SPAG5: variants seen among roughly 807,000 people sequenced by gnomAD.
SPAG5 encodes sperm associated antigen 5, also known as sperm-associated antigen 5.
SPAG5 carries 99 observed loss-of-function variants against 145.4 expected under a neutral mutation model. The observed-to-expected ratio is 0.68, with a 90% confidence interval of 0.58 to 0.80. SPAG5 has a LOEUF of 0.80. SPAG5 is among the 30% of genes least tolerant of loss of function. The pLI, the probability that SPAG5 is intolerant of heterozygous loss-of-function variation, is 0.00. For missense variants in SPAG5, 1,192 were observed against 1,416.0 expected (o/e 0.84, Z 2.54); for synonymous variants, 477 against 525.4 (o/e 0.91, Z 1.26).
At chr17:28,578,789 G>GA in intron 19 of SPAG5, 37 bp from the exon 20 acceptor site, 2 of 1,550,512 alleles carry the variant, frequency 1.3e-6, no homozygotes, top group Non-Finnish European at 1.8e-6. Context: ...CACATGAAGA[G>GA]CTGGTCTCTT....
chr17:28,591,666 G>C, intron 4 of SPAG5, 32 bp downstream of exon 4: 1 of 1,565,628 alleles, frequency 6.4e-7, no homozygotes, highest in East Asian at 2.3e-5. Flanking sequence ...TCCCCACTGG[G>C]ATCCCTCAAG....
At chr17:28,584,576 C>T in intron 11 of SPAG5, 76 bp downstream of exon 11, 1 of 1,597,266 alleles carries the variant, frequency 6.3e-7, no homozygotes, top group South Asian at 1.1e-5. Flanking sequence ...TACTTCCTTG[C>T]TCTAGTGCCA....
At chr17:28,584,126 C>T in intron 13 of SPAG5, 24 bp downstream of exon 13, 1 of 1,613,206 alleles carries the variant, frequency 6.2e-7, no homozygotes, top group Non-Finnish European at 8.5e-7. Context: ...TACCAGCTCC[C>T]TTGGCCCAAG....
In SPAG5 at chr17:28,586,101, C is replaced by T; in HGVS notation, c.1594G>A (p.Val532Met). 6.2e-7 allele frequency: 1 copy of T among 1,614,070 alleles called. No homozygotes were observed. Among genetic ancestry groups the T allele is most frequent in the Non-Finnish European group, 8.5e-7 (1 of 1,179,924 alleles). Residue 532 changes from valine to methionine, a missense_variant, in exon 6 of 24, where the codon GTG (valine) becomes ATG (methionine). This residue lies in a region of SPAG5 where 709 missense variants were observed against 840.7 expected (regional missense o/e 0.84). Coordinates refer to ENST00000321765, the MANE Select transcript of SPAG5 (RefSeq NM_006461.4). The part of the protein sequence containing the change: ...LLHLEEDKTT[V>M]SQESRRAETL... ...TTCAGGCTGCTTACCTCCTGACTCA[C>T]AGTAGTCTTATCTTCTTCTAAATGC...
In SPAG5 at chr17:28,584,667, T is replaced by A. The variant is rs762946902; in HGVS notation, c.2146A>T (p.Ser716Cys). 20 of 1,613,984 alleles carry A rather than the reference T, an allele frequency of 1.2e-5. 1 individual carries two copies. Among genetic ancestry groups the A allele is most frequent in the Middle Eastern group, 3.3e-4 (2 of 6,082 alleles). Residue 716 changes from serine (S) to cysteine (C), a missense_variant, in exon 11 of 24, where the codon AGT becomes TGT. Around this residue, in one of 5 missense-constraint regions of SPAG5, gnomAD observed 709 missense variants for 840.7 expected, o/e 0.84. Transcript: ENST00000321765. ...ACACAAACACCTGTTGCTAGACGAC[T>A]GTTTTCCAACTCCAGTTGTTCTGTT... The part of the protein sequence containing the change: ...GQTEQLELEN[S>C]RLATDLRAQL...
chr17:28,585,334 C>T lies in SPAG5; in HGVS notation c.1938G>A (p.Arg646=). Residue 646 remains arginine (R), a synonymous_variant, in exon 9 of 24, where the codon AGG becomes AGA. Coordinates refer to ENST00000321765, the MANE Select transcript of SPAG5 (RefSeq NM_006461.4). ...AAATACTCACATCCAGTTGCATGGA[C>T]CTCCAGTCTTGTTGCAAGGTAGAAG... ...SLTSTLQQDW[R]SMQLDYTTWT... The T allele has an allele frequency of 6.2e-7, 1 of 1,614,122 alleles. No individual in the cohort carries two copies. The highest frequency in any genetic ancestry group is 2.2e-5 in the East Asian group (1 of 44,886).
At position 28,584,221 on chromosome 17, in the gene SPAG5, T is replaced by C; in HGVS notation, c.2341A>G (p.Met781Val). 6.2e-7 allele frequency: 1 copy of C among 1,614,000 alleles called. No individual in the cohort carries two copies. Among genetic ancestry groups the C allele is most frequent in the Non-Finnish European group, 8.5e-7 (1 of 1,180,034 alleles). The change falls in exon 13 of 24, where the codon ATG becomes GTG. Residue 781 changes from methionine to valine, a missense_variant. By Grantham distance (21) the Met-to-Val change is conservative (BLOSUM62 1). Transcript: ENST00000321765. ...TGTTGCTGCTGCAGTTCTGCCTGCA[T>C]GTGTTTTAGTGCCATCTCTTCCTTT... is the stretch of plus-strand genomic sequence containing the variant. ...WQKEEMALKH[M>V]QAELQQQQAV...
intron 1 of SPAG5, 74 bp downstream of exon 1, chr17:28,598,822 G>A: frequency 4.4e-6 from 7 of 1,576,114 alleles, no homozygotes; most frequent in Non-Finnish European, 6.1e-6. Context: ...CAACTTTCCA[G>A]GACAGTAGAC....
At chr17:28,588,697 T>A (rs549587944) in intron 4 of SPAG5, among the ~76,000 whole-genome samples, 38 of 152,312 alleles carry the variant, frequency 2.5e-4, no homozygotes, top group Non-Finnish European at 4.6e-4. Context: ...GTTGTTGTTG[T>A]TGTTTGAGAC....
At position 28,595,308 on chromosome 17, in the gene SPAG5, T is replaced by C. The variant is rs992386785; in HGVS notation, c.178-2242A>G. ...AAAGATGAGTGTGTGTGTGTGTGTG[T>C]GCATATATACAAAATAGACACACAT... On this transcript the variant is annotated intron_variant, in intron 2 of 23. Transcript: ENST00000321765. 8.6e-5 allele frequency among the ~76,000 whole-genome samples: 13 copies of C among 151,274 alleles called. No individual in the cohort carries two copies. The South Asian group carries it at 2.3e-3, about 27-fold the overall frequency.
intron 2 of SPAG5, 121 bp from the exon 3 acceptor site, chr17:28,593,187 G>GA (rs1419470511): frequency 7.8e-7 from 1 of 1,274,082 alleles, no homozygotes; most frequent in Non-Finnish European, 1.1e-6. Context: ...GCTTAGGTAA[G>GA]AACTTGGCTA....
chr17:28,591,808 C>A lies in SPAG5; in HGVS notation c.1327G>T (p.Val443Phe). ...TGGCGGGAGAGAACCTCCAGAATGA[C>A]AAGAGAGCTCAGCAGGTTATCTTCC... ...DLEDNLLSSL[V>F]ILEVLSRQLR... Residue 443 changes from valine to phenylalanine, a missense_variant, in exon 4 of 24, where the codon GTC becomes TTC. Val to Phe is a conservative substitution (Grantham distance 50). Transcript: ENST00000321765. 6.2e-7 allele frequency: 1 copy of A among 1,614,070 alleles called. No individual in the cohort carries two copies. The highest frequency in any genetic ancestry group is 8.5e-7 in the Non-Finnish European group (1 of 1,180,026).
intron 19 of SPAG5, 69 bp from the exon 20 acceptor site, chr17:28,578,821 G>A: frequency 7.8e-7 from 1 of 1,281,650 alleles, no homozygotes; most frequent in East Asian, 2.3e-5. Flanking sequence ...CCAGGAGGTA[G>A]GAGAGAGTGC....
In SPAG5 at chr17:28,580,181, G is replaced by A. The variant is rs1401204508; in HGVS notation, c.2686-61C>T. On this transcript the variant is annotated intron_variant, in intron 15 of 23. Transcript: ENST00000321765. ...GTCTAGTGAACTCCTGGGCTTCCAG[G>A]TAACTCCCAGCCATCTCCTCCAAAA... is the stretch of plus-strand genomic sequence containing the variant. The A allele has an allele frequency of 4.4e-6, 5 of 1,129,974 alleles. No individual in the cohort carries two copies. The Admixed American group carries it at 7.0e-5, about 16-fold the overall frequency. 70.0% of individuals were successfully genotyped at this position (1,129,974 alleles called of 1,614,324 possible). A position where few individuals can be genotyped will look rare whatever the true frequency, so the allele number is the denominator to read the frequency against.
In SPAG5 at chr17:28,583,565, C is replaced by G. The variant is rs1343868820; in HGVS notation, c.2631G>C (p.Leu877=). ...TRQYSQKLGL[L]TEQLQSLTLF... ...GAGTCAGGCTCTGTAGTTGCTCAGTCAGCAGCCCTAGCTTTTGAGAGTACT... is the reference window on the plus strand; with the variant it reads ...GAGTCAGGCTCTGTAGTTGCTCAGTGAGCAGCCCTAGCTTTTGAGAGTACT... The change falls in exon 15 of 24, where the codon CTG becomes CTC. Residue 877 remains leucine, a synonymous_variant. Transcript: ENST00000321765. 6.2e-7 allele frequency: 1 copy of G among 1,613,838 alleles called. No homozygotes were observed. The highest frequency in any genetic ancestry group is 1.7e-5 in the Admixed American group (1 of 59,934).
At chr17:28,584,896 T>G (rs1006058663) in intron 10 of SPAG5, 151 bp from the exon 11 acceptor site, 6 of 786,784 alleles carry the variant, frequency 7.6e-6, no homozygotes, top group Middle Eastern at 2.6e-4. Context: ...CAGGAAAAAG[T>G]AGAGACAGGA....
intron 2 of SPAG5, among the ~76,000 whole-genome samples, chr17:28,595,449 C>A (rs1488071974): frequency 6.6e-6 from 1 of 151,882 alleles, no homozygotes; most frequent in Non-Finnish European, 1.5e-5. Flanking sequence ...TATTAATAAT[C>A]AAAAATTTAC....
Position 28,588,473 on chromosome 17 carries a change from T to C in SPAG5, c.1438-1974A>G, listed in dbSNP as rs548923315. ...TGAACAGCTGGAGGAACATGGAGCT[T>C]ATGGTTTCCAGGATTTTTGGCAAAT... On this transcript the variant is annotated intron_variant, in intron 4 of 23. Transcript: ENST00000321765. Among the ~76,000 whole-genome samples, 3 of 152,274 alleles carry C rather than the reference T, an allele frequency of 2.0e-5. No homozygotes were observed. In the East Asian group the frequency reaches 5.8e-4, roughly 29 times the overall value.
At chr17:28,594,769 G>A (rs912771482) in intron 2 of SPAG5, among the ~76,000 whole-genome samples, 2 of 152,002 alleles carry the variant, frequency 1.3e-5, no homozygotes, top group Admixed American at 1.3e-4. Flanking sequence ...ATGCTGTTAT[G>A]TTTTATTGTA....
Sources: allele counts gnomAD v4.1 joint callset (sites outside exome capture counted in the v4.1 genomes callset), GRCh38; gene constraint gnomAD v4.1.1; regional missense constraint gnomAD v4.1.1; transcripts MANE v1.5; gene names NCBI Gene and HGNC (gene_info 2026-07-23, HGNC 2026-07-21).